Variants in SPIDR observed in about 807,000 individuals in gnomAD.
The protein encoded by SPIDR is DNA repair-scaffolding protein.
Under a neutral mutation model 104.6 loss-of-function variants are expected in SPIDR, and 93 were observed. That is an observed-to-expected ratio of 0.89 (90% CI 0.75 to 1.06). The LOEUF (loss-of-function observed/expected upper bound fraction) is 1.06. Ranked by LOEUF, SPIDR falls within the 50% of genes least tolerant of loss-of-function variation. SPIDR has a pLI of 0.00. For synonymous variants in SPIDR, 431 were observed against 416.9 expected, an observed-to-expected ratio of 1.03 and a Z score of -0.41; for missense variants, 1,154 against 1,111.2, an observed-to-expected ratio of 1.04 and a Z score of -0.55.
chr8:47,296,939 A>G (rs1261114221), intron 5 of SPIDR, among the ~76,000 whole-genome samples: 2 of 152,144 alleles, frequency 1.3e-5, no homozygotes, highest in African/African-American at 2.4e-5. Context: ...TTTCTAGTAT[A>G]TACATCTATT....
At chr8:47,424,576 C>T (rs2066116317) in intron 7 of SPIDR, among the ~76,000 whole-genome samples, 2 of 152,186 alleles carry the variant, frequency 1.3e-5, no homozygotes, top group Admixed American at 6.5e-5. Flanking sequence ...TCTCAGTCTC[C>T]CAATGAATTG....
intron 8 of SPIDR, among the ~76,000 whole-genome samples, chr8:47,494,139 C>T (rs760242284): frequency 3.9e-5 from 6 of 152,004 alleles, no homozygotes; most frequent in Non-Finnish European, 4.4e-5. Context: ...CACCCATGTG[C>T]CACCATGCCT....
chr8:47,360,904 A>C (rs1393245448), intron 5 of SPIDR: 5 of 985,290 alleles, frequency 5.1e-6, no homozygotes, highest in African/African-American at 1.7e-5. Flanking sequence ...GTTTGTGTTC[A>C]TGGTAGGATA....
Position 47,595,865 on chromosome 8 carries a change from T to C in SPIDR, c.1152T>C (p.Phe384=), listed in dbSNP as rs1207676562. The change falls in exon 9 of 20, where the codon TTT becomes TTC. Residue 384 remains phenylalanine, a synonymous_variant. Coordinates refer to ENST00000297423, the MANE Select transcript of SPIDR (RefSeq NM_001080394.4). ...GCCCTGTTATTCTGAATACTTACTT[T>C]TGTGAGAAAGTTGTTGCCAAAGAAG... The part of the protein sequence containing the change: ...GSCPVILNTY[F]CEKVVAKEDS... 6.2e-7 allele frequency: 1 copy of C among 1,614,200 alleles called. No homozygotes were observed.
chr8:47,713,610 A>T lies in SPIDR; in HGVS notation c.2310A>T (p.Ala770=). The change falls in exon 16 of 20, where the codon GCA becomes GCT. Residue 770 remains alanine (A), a synonymous_variant. Transcript: ENST00000297423. Reference sequence around the variant, plus strand: ...TGATGCTCGACAGCCTGGACTCTGCAACACCTGTCAACTCCATCTGCAGTG... The same window carrying T: ...TGATGCTCGACAGCCTGGACTCTGCTACACCTGTCAACTCCATCTGCAGTG... The part of the protein sequence containing the change: ...GPVMLDSLDS[A]TPVNSICSVQ... 1 of 1,614,166 alleles carries T rather than the reference A, an allele frequency of 6.2e-7. No individual in the cohort carries two copies. Among genetic ancestry groups the T allele is most frequent in the East Asian group, 2.2e-5 (1 of 44,892 alleles).
intron 11 of SPIDR, among the ~76,000 whole-genome samples, chr8:47,683,801 A>G (rs1024715893): frequency 1.3e-5 from 2 of 152,108 alleles, no homozygotes; most frequent in Non-Finnish European, 1.5e-5. Flanking sequence ...TTATTTTTGT[A>G]TCTTCTGTAG....
At chr8:47,642,519 C>T (rs890318873) in intron 10 of SPIDR, among the ~76,000 whole-genome samples, 2 of 152,122 alleles carry the variant, frequency 1.3e-5, no homozygotes, top group South Asian at 2.1e-4. Context: ...CAAGACAGCC[C>T]GCTGACTTCT....
At chr8:47,532,940 A>G (rs984265744) in intron 8 of SPIDR, among the ~76,000 whole-genome samples, 4 of 152,252 alleles carry the variant, frequency 2.6e-5, no homozygotes, top group African/African-American at 9.6e-5. Flanking sequence ...GTTTCAGACC[A>G]TAATGGAATT....
At chr8:47,570,154 T>C (rs910936881) in intron 8 of SPIDR, among the ~76,000 whole-genome samples, 1 of 152,184 alleles carries the variant, frequency 6.6e-6, no homozygotes, top group Non-Finnish European at 1.5e-5. Flanking sequence ...GTTATAGGAC[T>C]CACCCTTTCC....
intron 1 of SPIDR, among the ~76,000 whole-genome samples, chr8:47,276,318 G>A (rs907350314): frequency 5.9e-5 from 9 of 152,200 alleles, no homozygotes; most frequent in East Asian, 3.9e-4. Context: ...ATACAATATC[G>A]CTTGTCCAAG....
chr8:47,364,284 G>A (rs1040724692), intron 5 of SPIDR, among the ~76,000 whole-genome samples: 1 of 152,124 alleles, frequency 6.6e-6, no homozygotes, highest in East Asian at 1.9e-4. Context: ...ACTATGAGTC[G>A]ATGTTCCTTT....
chr8:47,545,982 T>G (rs2089293859), intron 8 of SPIDR, among the ~76,000 whole-genome samples: 1 of 152,218 alleles, frequency 6.6e-6, no homozygotes, highest in Admixed American at 6.5e-5. Context: ...TAAACTCATC[T>G]TTGTTATGAT....
chr8:47,275,124 TG>T (rs1434678386), intron 1 of SPIDR, among the ~76,000 whole-genome samples: 1 of 150,838 alleles, frequency 6.6e-6, no homozygotes, highest in Non-Finnish European at 1.5e-5. Context: ...CCGCGCGTGG[TG>T]GGGGGCGCCT....
intron 8 of SPIDR, among the ~76,000 whole-genome samples, chr8:47,594,586 T>G (rs1307583051): frequency 6.6e-6 from 1 of 152,114 alleles, no homozygotes; most frequent in Non-Finnish European, 1.5e-5. Flanking sequence ...AGGCTGCCCC[T>G]TCCTTGGTCC....
At chr8:47,708,737 T>A (rs150667542) in intron 14 of SPIDR, among the ~76,000 whole-genome samples, 3,767 of 152,306 alleles carry the variant, frequency 0.025, 69 homozygotes, top group Non-Finnish European at 0.037. Context: ...AGTTTTGCCT[T>A]TTCAGAATAT....
At chr8:47,550,292 A>G (rs945897843) in intron 8 of SPIDR, among the ~76,000 whole-genome samples, 8 of 152,140 alleles carry the variant, frequency 5.3e-5, no homozygotes, top group Admixed American at 5.2e-4. Flanking sequence ...GTTTTTTCCA[A>G]TTCTGTGAAG....
At chr8:47,659,768 T>G (rs2073761171) in intron 10 of SPIDR, 1 of 972,778 alleles carries the variant, frequency 1.0e-6, no homozygotes, top group Non-Finnish European at 1.2e-6. Flanking sequence ...ATTTCTTGGT[T>G]TTTTTCCTTG....
At chr8:47,367,326 T>A (rs1246114465) in intron 5 of SPIDR, among the ~76,000 whole-genome samples, 3 of 152,182 alleles carry the variant, frequency 2.0e-5, no homozygotes, top group Admixed American at 1.3e-4. Context: ...GTACAAAGAA[T>A]GAGCTTGGAA....
chr8:47,302,237 C>T (rs587610243), intron 5 of SPIDR, among the ~76,000 whole-genome samples: 11 of 151,968 alleles, frequency 7.2e-5, no homozygotes, highest in African/African-American at 2.7e-4. Flanking sequence ...TTGATCGAAT[C>T]GGCTACTGAG....
Sources: gnomAD v4.1 joint callset for allele counts (sites outside exome capture counted in the v4.1 genomes callset) on GRCh38, gnomAD v4.1.1 for gene constraint, MANE v1.5 for transcripts, NCBI Gene and HGNC (gene_info 2026-07-23, HGNC 2026-07-21) for gene names.